The following SAXO1 variants were observed in gnomAD, a reference collection of about 807,000 sequenced individuals.
The protein encoded by SAXO1 is stabilizer of axonemal microtubules 1, also known as 4930500O09Rik.
A neutral mutation model predicts 17.5 loss-of-function variants in SAXO1; 21 were observed. The ratio of observed to expected loss-of-function variants is 1.20; its 90% CI spans 0.85 to 1.72. The LOEUF is 1.72. SAXO1 is among the 40% of genes most tolerant of loss of function. The pLI, the probability that SAXO1 is intolerant of heterozygous loss-of-function variation, is 0.00. For synonymous variants in SAXO1, 274 were observed against 216.5 expected (o/e 1.27, Z -2.33); for missense variants, 843 against 596.0 (o/e 1.41, Z -4.32).
chr9:19,002,859 C>T (rs376281785), intron 1 of SAXO1, among the ~76,000 whole-genome samples: 2 of 152,220 alleles, frequency 1.3e-5, no homozygotes, highest in South Asian at 4.1e-4. Context: ...TCTCTCACCA[C>T]TCCTATTCAG....
At chr9:18,955,041 G>GT (rs1192870692) in intron 1 of SAXO1, among the ~76,000 whole-genome samples, 1 of 151,970 alleles carries the variant, frequency 6.6e-6, no homozygotes, top group African/African-American at 2.4e-5. Flanking sequence ...CATTAGAAGG[G>GT]TAAAAAAAAG....
At chr9:19,038,229 C>G (rs1394540446), upstream of SAXO1, among the ~76,000 whole-genome samples, 1 of 152,114 alleles carries the variant, frequency 6.6e-6, no homozygotes, top group Non-Finnish European at 1.5e-5. Flanking sequence ...ACTAGAAATA[C>G]CATTTGACCC....
chr9:19,018,235 G>C (rs150370970), intron 1 of SAXO1, among the ~76,000 whole-genome samples: 356 of 150,180 alleles, frequency 2.4e-3, no homozygotes, highest in African/African-American at 8.1e-3. Context: ...GTTTTTTATT[G>C]TACTATATCA....
rs1563932013 is a variant in SAXO1, at chr9:18,941,814, C to T, written c.244G>A (p.Ala82Thr). The change falls in exon 3 of 4, where the codon GCA (alanine) becomes ACA (threonine). Residue 82 changes from alanine to threonine, a missense_variant. By Grantham distance (58) the Ala-to-Thr change is moderately conservative. Transcript: ENST00000380534. ...TCATACTGGTGGACCTTCACTGGTG[C>T]CACTTTGTGAGGCCCAAAATCTCTC... is the stretch of plus-strand genomic sequence containing the variant. The part of the protein sequence containing the change: ...SRRDFGPHKV[A>T]PVKVHQYDQF... The T allele has an allele frequency of 6.2e-7, 1 of 1,614,170 alleles. No individual in the cohort carries two copies. Among genetic ancestry groups the T allele is most frequent in the Admixed American group, 1.7e-5 (1 of 60,018 alleles).
chr9:19,021,202 T>C (rs1835219121), intron 1 of SAXO1, among the ~76,000 whole-genome samples: 1 of 152,198 alleles, frequency 6.6e-6, no homozygotes, highest in Non-Finnish European at 1.5e-5. Context: ...CTGTGGAATT[T>C]GGAAACAGCA....
intron 1 of SAXO1, among the ~76,000 whole-genome samples, chr9:19,031,716 T>C (rs1053243467): frequency 6.6e-6 from 1 of 152,184 alleles, no homozygotes; most frequent in Non-Finnish European, 1.5e-5. Context: ...TCCTAGCAAA[T>C]GGCCAGAATC....
intron 1 of SAXO1, among the ~76,000 whole-genome samples, chr9:18,987,866 T>C (rs73431282): frequency 0.066 from 9,436 of 143,802 alleles, 999 homozygotes; most frequent in African/African-American, 0.22. Context: ...CACCCCACTA[T>C]AACCTGGGCA....
At chr9:18,931,712 A>G (rs183955715) in intron 3 of SAXO1, among the ~76,000 whole-genome samples, 1 of 152,208 alleles carries the variant, frequency 6.6e-6, no homozygotes, top group African/African-American at 2.4e-5. Context: ...ATTATTATAG[A>G]CATTCCAATG....
At chr9:18,968,956 TG>T (rs2131786444) in intron 1 of SAXO1, among the ~76,000 whole-genome samples, 1 of 152,230 alleles carries the variant, frequency 6.6e-6, no homozygotes, top group East Asian at 1.9e-4. Context: ...CATGGCTGGC[TG>T]GCATTGATGG....
chr9:19,033,573 C>T (rs1835856205), upstream of SAXO1, among the ~76,000 whole-genome samples: 1 of 152,216 alleles, frequency 6.6e-6, no homozygotes, highest in Admixed American at 6.5e-5. Flanking sequence ...TCCAGATCTT[C>T]CTGTGGAAAC....
chr9:18,972,154 A>G (rs910756563), intron 1 of SAXO1, among the ~76,000 whole-genome samples: 1 of 152,240 alleles, frequency 6.6e-6, no homozygotes, highest in Non-Finnish European at 1.5e-5. Flanking sequence ...AAGGGAATGA[A>G]GAGGTGTTAG....
chr9:19,004,520 G>A (rs545023261), intron 1 of SAXO1, among the ~76,000 whole-genome samples: 1 of 152,316 alleles, frequency 6.6e-6, no homozygotes, highest in South Asian at 2.1e-4. Context: ...TATACACCAT[G>A]GAATACTATG....
intron 1 of SAXO1, among the ~76,000 whole-genome samples, chr9:19,044,988 A>G (rs1050887853): frequency 2.6e-5 from 4 of 152,112 alleles, no homozygotes; most frequent in African/African-American, 9.7e-5. Flanking sequence ...TGCACTAAAA[A>G]GGAGGGATTG....
At chr9:19,021,879 C>G (rs2131020112) in intron 1 of SAXO1, among the ~76,000 whole-genome samples, 1 of 151,894 alleles carries the variant, frequency 6.6e-6, no homozygotes, top group South Asian at 2.1e-4. Flanking sequence ...CCAATCAACA[C>G]TCTGTAAAAT....
In SAXO1 at chr9:18,928,876, AG is replaced by A; in HGVS notation, c.600del (p.Leu201TrpfsTer4). 6.2e-7 allele frequency: 1 copy of A among 1,614,104 alleles called. No homozygotes were observed. ...ATCTTGTAGTTAGTCACATCCTCCA[AG>A]GGGATGTTACAGAGCTTTGGCATGG... Reference protein sequence around the residue: ...PLAMPKLCNIPLEDVTNYKMS... With the variant: ...PLAMPKLCNIXLEDVTNYKMS... On this transcript the variant is annotated frameshift_variant, in exon 4 of 4. Transcript: ENST00000380534. LOFTEE classifies it low-confidence loss of function (END_TRUNC).
intron 1 of SAXO1, among the ~76,000 whole-genome samples, chr9:19,026,256 G>A (rs1835467398): frequency 6.6e-6 from 1 of 152,078 alleles, no homozygotes; most frequent in African/African-American, 2.4e-5. Context: ...TTTTTTAAAT[G>A]GTCCAGTGTG....
intron 1 of SAXO1, among the ~76,000 whole-genome samples, chr9:19,013,052 C>T (rs942459102): frequency 6.6e-6 from 1 of 152,082 alleles, no homozygotes; most frequent in African/African-American, 2.4e-5. Flanking sequence ...GAAGGTGGCT[C>T]CAGAAGCTAC....
At chr9:19,029,394 C>A (rs1835657168) in intron 1 of SAXO1, among the ~76,000 whole-genome samples, 1 of 152,204 alleles carries the variant, frequency 6.6e-6, no homozygotes, top group Admixed American at 6.5e-5. Context: ...GAACCCCGGT[C>A]TCCCCCTCCC....
chr9:18,959,856 A>C (rs1832413926), intron 1 of SAXO1, among the ~76,000 whole-genome samples: 1 of 152,014 alleles, frequency 6.6e-6, no homozygotes, highest in Non-Finnish European at 1.5e-5. Context: ...TGCAGGCTTG[A>C]TTCCAGGAGT....
Sources: gnomAD v4.1 joint callset for allele counts (sites outside exome capture counted in the v4.1 genomes callset) on GRCh38, gnomAD v4.1.1 for gene constraint, MANE v1.5 for transcripts, NCBI Gene and HGNC (gene_info 2026-07-23, HGNC 2026-07-21) for gene names.